The following CSMD2 variants were observed in gnomAD, a reference collection of about 807,000 sequenced individuals.
The protein encoded by CSMD2 is CUB and sushi domain-containing protein 2.
In CSMD2, 130 loss-of-function variants were observed where a neutral mutation model predicts 398.5. The ratio of observed to expected loss-of-function variants is 0.33; its 90% CI spans 0.28 to 0.38. CSMD2 has a LOEUF of 0.38. Ranked by LOEUF, CSMD2 falls within the 10% of genes least tolerant of loss-of-function variation. The pLI, the probability that CSMD2 is intolerant of heterozygous loss-of-function variation, is 1.00. For missense variants in CSMD2, 3,829 were observed against 4,764.9 expected (o/e 0.80, Z 5.78); for synonymous variants, 1,828 against 1,908.5 (o/e 0.96, Z 1.10).
chr1:33,816,395 A>G (rs577655116), intron 9 of CSMD2, among the ~76,000 whole-genome samples: 1 of 152,288 alleles, frequency 6.6e-6, no homozygotes, highest in Admixed American at 6.5e-5. Context: ...CCAGTGGTTT[A>G]CAGTGTTCCC....
intron 1 of CSMD2, among the ~76,000 whole-genome samples, chr1:34,096,036 GCAGCA>G: frequency 6.6e-6 from 1 of 151,938 alleles, no homozygotes; most frequent in South Asian, 2.1e-4. Context: ...ACCGAATCCA[GCAGCA>G]CATCAAAAAG....
intron 1 of CSMD2, 39 bp from the exon 2 acceptor site, chr1:34,089,232 T>C (rs12048909): frequency 9.5e-6 from 15 of 1,571,236 alleles, no homozygotes; most frequent in Non-Finnish European, 1.3e-5. Flanking sequence ...ATAGCCAGAA[T>C]AACTCCTAGA....
At chr1:33,676,580 G>T (rs1376981207) in intron 25 of CSMD2, among the ~76,000 whole-genome samples, 1 of 152,146 alleles carries the variant, frequency 6.6e-6, no homozygotes, top group African/African-American at 2.4e-5. Context: ...AGCTACCAAT[G>T]ACTTTCTTCA....
At chr1:33,688,916 G>C (rs1472939583) in intron 25 of CSMD2, among the ~76,000 whole-genome samples, 2 of 152,030 alleles carry the variant, frequency 1.3e-5, no homozygotes, top group Non-Finnish European at 2.9e-5. Context: ...CAAACACAAA[G>C]GGGCTTTTTG....
At chr1:34,132,846 A>G (rs1417644499) in intron 1 of CSMD2, among the ~76,000 whole-genome samples, 1 of 152,104 alleles carries the variant, frequency 6.6e-6, no homozygotes, top group Non-Finnish European at 1.5e-5. Context: ...GAATTACACC[A>G]TCAGTTTTCC....
intron 29 of CSMD2, among the ~76,000 whole-genome samples, chr1:33,646,211 A>G (rs1242586760): frequency 1.3e-5 from 2 of 152,224 alleles, no homozygotes; most frequent in East Asian, 3.8e-4. Context: ...CCCTAGGATT[A>G]GATGGGCTGT....
intron 1 of CSMD2, among the ~76,000 whole-genome samples, chr1:34,158,094 G>A (rs570370302): frequency 3.3e-5 from 5 of 152,150 alleles, no homozygotes; most frequent in African/African-American, 1.2e-4. Context: ...CTAGAGTCCA[G>A]GGGAAAAATA....
chr1:33,739,908 C>T (rs1647001081), intron 14 of CSMD2, among the ~76,000 whole-genome samples: 1 of 152,144 alleles, frequency 6.6e-6, no homozygotes, highest in African/African-American at 2.4e-5. Context: ...TCTACCCAGG[C>T]AATTGATAAT....
At chr1:34,083,951 G>A (rs569471631) in intron 2 of CSMD2, among the ~76,000 whole-genome samples, 58 of 151,978 alleles carry the variant, frequency 3.8e-4, no homozygotes, top group Middle Eastern at 3.4e-3. Flanking sequence ...ATAAATATTA[G>A]CTGTTGCTGT....
In CSMD2 at chr1:33,537,239, C is replaced by T; in HGVS notation, c.9806-144G>A. 1.8e-6 allele frequency: 2 copies of T among 1,117,604 alleles called. No homozygotes were observed. The highest frequency in any genetic ancestry group is 2.9e-5 in the South Asian group (2 of 70,066). The allele number at this position is 1,117,604 out of a possible 1,614,324, so 69.2% of individuals were successfully genotyped here. On this transcript the variant is annotated intron_variant, in intron 61 of 70. Coordinates refer to ENST00000373381, the MANE Select transcript of CSMD2 (RefSeq NM_001281956.2). This position sits in a 1 kb window ranked among gnomAD's most constrained non-coding sequence, Gnocchi z 4.6. ...CTGAGATCCCCACCTGAGCCTTGGC[C>T]CTGGCTGTCTATTTGACTCCTCGAA...
intron 15 of CSMD2, among the ~76,000 whole-genome samples, chr1:33,728,920 C>T (rs1646631436): frequency 6.6e-6 from 1 of 152,104 alleles, no homozygotes; most frequent in Non-Finnish European, 1.5e-5. Flanking sequence ...CCTGGGTAAC[C>T]CCAGTTTTCA....
intron 2 of CSMD2, among the ~76,000 whole-genome samples, chr1:34,035,171 C>G (rs983294536): frequency 2.6e-5 from 4 of 152,104 alleles, no homozygotes; most frequent in African/African-American, 9.7e-5. Context: ...CAATATGAAA[C>G]AGATCACTTG....
At chr1:34,147,484 G>C (rs1470123870) in intron 1 of CSMD2, among the ~76,000 whole-genome samples, 1 of 151,762 alleles carries the variant, frequency 6.6e-6, no homozygotes, top group African/African-American at 2.4e-5. Flanking sequence ...CTTGGATTTA[G>C]TAAACAGGAA....
chr1:34,013,361 G>A (rs997302587), intron 3 of CSMD2, among the ~76,000 whole-genome samples: 2 of 152,156 alleles, frequency 1.3e-5, no homozygotes, highest in African/African-American at 4.8e-5. Flanking sequence ...CTCTCCCTCA[G>A]AGGGGCATCC....
chr1:34,042,345 C>T (rs1468859407), intron 2 of CSMD2, among the ~76,000 whole-genome samples: 2 of 152,152 alleles, frequency 1.3e-5, no homozygotes, highest in African/African-American at 4.8e-5. Context: ...TCTTTTATTC[C>T]CAAGGTCAAA....
intron 13 of CSMD2, among the ~76,000 whole-genome samples, chr1:33,750,318 G>A (rs781573534): frequency 2.1e-4 from 32 of 152,090 alleles, no homozygotes; most frequent in Admixed American, 9.8e-4. Flanking sequence ...TAGCATATAA[G>A]GTGCTAGTTG....
intron 1 of CSMD2, among the ~76,000 whole-genome samples, chr1:34,138,217 G>A (rs1050433533): frequency 7.2e-5 from 11 of 152,174 alleles, no homozygotes; most frequent in Admixed American, 7.2e-4. Flanking sequence ...TGGTTAAGCA[G>A]GTCCCAGATC....
Position 33,636,238 on chromosome 1 carries a change from G to T in CSMD2, c.4969+122C>A. On this transcript the variant is annotated intron_variant, in intron 30 of 70. Coordinates refer to ENST00000373381, the MANE Select transcript of CSMD2 (RefSeq NM_001281956.2). The surrounding 1 kb of genome is among the most constrained non-coding windows in gnomAD (Gnocchi z 4.8). ...ACACATCCACGGCAAACCCAGGTTT[G>T]CCAGGCTTGGAGGAGCCGGGCTTGA... 1 of 929,868 alleles carries T rather than the reference G, an allele frequency of 1.1e-6. No individual in the cohort carries two copies. Among genetic ancestry groups the T allele is most frequent in the Non-Finnish European group, 1.6e-6 (1 of 626,640 alleles). The allele number at this position is 929,868 out of a possible 1,614,324, so 57.6% of individuals were successfully genotyped here. A position where few individuals can be genotyped will look rare whatever the true frequency, so the allele number is the denominator to read the frequency against.
chr1:33,632,948 G>A (rs1642554942), intron 32 of CSMD2, among the ~76,000 whole-genome samples: 1 of 152,090 alleles, frequency 6.6e-6, no homozygotes, highest in Non-Finnish European at 1.5e-5. Context: ...AGCTCGTAGC[G>A]AATATTTCAA....
Sources: allele counts gnomAD v4.1 joint callset (sites outside exome capture counted in the v4.1 genomes callset), GRCh38; gene constraint gnomAD v4.1.1; non-coding constraint Gnocchi (gnomAD v3.1); transcripts MANE v1.5; gene names NCBI Gene and HGNC (gene_info 2026-07-23, HGNC 2026-07-21).